The following KATNA1 variants were observed in gnomAD, a reference collection of about 807,000 sequenced individuals.
KATNA1 encodes katanin p60 ATPase-containing subunit A1.
In KATNA1, 42 loss-of-function variants were observed where a neutral mutation model predicts 62.6. The observed-to-expected ratio is 0.67, with a 90% confidence interval of 0.52 to 0.87. KATNA1 has a LOEUF of 0.87. Among genes scored for constraint, KATNA1 ranks in the 40% least tolerant of loss-of-function variants. The pLI, the probability that KATNA1 is intolerant of heterozygous loss-of-function variation, is 0.00. For missense variants in KATNA1, 498 were observed against 612.5 expected (o/e 0.81, Z 1.97); for synonymous variants, 186 against 201.9 (o/e 0.92, Z 0.67).
chr6:149,599,611 C>T (rs1262210759), intron 7 of KATNA1, among the ~76,000 whole-genome samples: 3 of 151,740 alleles, frequency 2.0e-5, no homozygotes, highest in Admixed American at 6.6e-5. Flanking sequence ...TCTGCCACCC[C>T]GGTTCAAGCA....
In KATNA1 at chr6:149,620,237, C is replaced by T. The variant is rs549458450; in HGVS notation, c.501+2866G>A. ...ACATTGGTTAACAAATACAAAAGTA[C>T]AGCCAGATAGGTGGAATGAATTCTA... On this transcript the variant is annotated intron_variant, in intron 4 of 10. Transcript: ENST00000367411. 2.6e-5 allele frequency among the ~76,000 whole-genome samples: 4 copies of T among 152,260 alleles called. No individual in the cohort carries two copies. The South Asian group carries it at 8.3e-4, about 32-fold the overall frequency.
At chr6:149,636,960 T>G (rs1402974614) in intron 2 of KATNA1, among the ~76,000 whole-genome samples, 1 of 151,320 alleles carries the variant, frequency 6.6e-6, no homozygotes, top group Non-Finnish European at 1.5e-5. Flanking sequence ...TTTCTTAACC[T>G]TTTTTTCCTC....
chr6:149,618,797 C>A (rs948675868), intron 4 of KATNA1, among the ~76,000 whole-genome samples: 1 of 152,128 alleles, frequency 6.6e-6, no homozygotes, highest in Non-Finnish European at 1.5e-5. Flanking sequence ...AGGAGCTAGA[C>A]CCCCTAACTC....
Position 149,604,194 on chromosome 6 carries a change from A to G in KATNA1, c.623+467T>C, listed in dbSNP as rs763851985. On this transcript the variant is annotated intron_variant, in intron 5 of 10. Coordinates refer to ENST00000367411, the MANE Select transcript of KATNA1 (RefSeq NM_007044.4). The stretch of plus-strand genomic sequence containing the variant: ...ATACATACAAATCATTGCCTTGGCC[A>G]GGTGCAAAGGCTCATGACTGTAATC... 5.9e-5 allele frequency among the ~76,000 whole-genome samples: 9 copies of G among 152,180 alleles called. No individual in the cohort carries two copies. In the South Asian group the frequency reaches 1.9e-3, roughly 31 times the overall value.
At chr6:149,608,148 A>G (rs1377252072) in intron 4 of KATNA1, among the ~76,000 whole-genome samples, 1 of 152,252 alleles carries the variant, frequency 6.6e-6, no homozygotes, top group East Asian at 1.9e-4. Context: ...AAAAGAGTTA[A>G]TTAAAAATGA....
chr6:149,644,322 T>TAA (rs199995379), intron 1 of KATNA1, among the ~76,000 whole-genome samples: 2 of 151,640 alleles, frequency 1.3e-5, no homozygotes, highest in African/African-American at 4.8e-5. Flanking sequence ...ATTTTCCCAC[T>TAA]AAAAAAAATC....
At chr6:149,642,937 C>T (rs956827866) in intron 1 of KATNA1, among the ~76,000 whole-genome samples, 1 of 152,184 alleles carries the variant, frequency 6.6e-6, no homozygotes, top group Non-Finnish European at 1.5e-5. Context: ...ACTCAATGAC[C>T]TTTGCCTCTT....
chr6:149,626,721 C>T (rs565077068), intron 3 of KATNA1, among the ~76,000 whole-genome samples: 3 of 151,666 alleles, frequency 2.0e-5, no homozygotes, highest in South Asian at 4.2e-4. Flanking sequence ...CAGTGGCTCA[C>T]GCCTGTAATC....
rs1778623837 is a variant in KATNA1 at position 149,603,410 on chromosome 6, T to C, written c.624-37A>G. ...GACATTTTATTAACAACCCTTTAGA[T>C]GATACATGTCTATGCAGTCACTCTT... On this transcript the variant is annotated intron_variant, in intron 5 of 10. Coordinates refer to ENST00000367411, the MANE Select transcript of KATNA1 (RefSeq NM_007044.4). 4.1e-6 allele frequency: 4 copies of C among 981,016 alleles called. No individual in the cohort carries two copies. In the South Asian group the frequency reaches 4.1e-5, roughly 10 times the overall value. 60.8% of individuals were successfully genotyped at this position (981,016 alleles called of 1,614,324 possible). A position where few individuals can be genotyped will look rare whatever the true frequency, so the allele number is the denominator to read the frequency against.
chr6:149,626,987 A>T (rs1333039166), intron 3 of KATNA1, among the ~76,000 whole-genome samples: 2 of 151,840 alleles, frequency 1.3e-5, no homozygotes, highest in Non-Finnish European at 2.9e-5. Flanking sequence ...CCATCTTAAA[A>T]AATAATAATA....
chr6:149,620,092 A>G (rs892889678), intron 4 of KATNA1, among the ~76,000 whole-genome samples: 8 of 152,230 alleles, frequency 5.3e-5, no homozygotes, highest in African/African-American at 1.7e-4. Context: ...GCAGGCACAG[A>G]AAGATAAATA....
chr6:149,638,627 T>TA, intron 1 of KATNA1, 67 bp from the exon 2 acceptor site: 1 of 1,101,028 alleles, frequency 9.1e-7, no homozygotes. Context: ...GTATAGTTAT[T>TA]AAAAAATACT....
At chr6:149,638,727 A>ACG (rs1780163253) in intron 1 of KATNA1, 167 bp from the exon 2 acceptor site, 1 of 240,742 alleles carries the variant, frequency 4.2e-6, no homozygotes, top group Non-Finnish European at 7.5e-6. Flanking sequence ...TAAAAAAAAC[A>ACG]TTGTTTTTTT....
Position 149,595,056 on chromosome 6 carries a change from A to G in KATNA1, c.1456T>C (p.Phe486Leu), listed in dbSNP as rs1423028217. The change falls in exon 11 of 11, where the codon TTT (phenylalanine) becomes CTT (leucine). Residue 486 changes from phenylalanine (F) to leucine (L), a missense_variant. This residue lies in a region of KATNA1 where 267 missense variants were observed against 372.6 expected (regional missense o/e 0.72). Transcript: ENST00000367411. ...ADIERYEKWI[F>L]EFGSC ...AGAATTTAGCATGATCCAAACTCAA[A>G]TATCCATTTCTCGTATCTTTCAATG... is the stretch of plus-strand genomic sequence containing the variant. 3 of 1,613,900 alleles carry G rather than the reference A, an allele frequency of 1.9e-6. No individual in the cohort carries two copies. The highest frequency in any genetic ancestry group is 1.7e-6 in the Non-Finnish European group (2 of 1,179,856).
At chr6:149,597,749 GCA>G in intron 8 of KATNA1, 108 bp from the exon 9 acceptor site, 1 of 1,066,968 alleles carries the variant, frequency 9.4e-7, no homozygotes, top group Non-Finnish European at 1.4e-6. Flanking sequence ...ATACAAGGAA[GCA>G]CAGTCTTAAT....
At chr6:149,625,963 G>A (rs1352232704) in intron 3 of KATNA1, among the ~76,000 whole-genome samples, 1 of 151,668 alleles carries the variant, frequency 6.6e-6, no homozygotes, top group Non-Finnish European at 1.5e-5. Flanking sequence ...TCCCAGATGT[G>A]GAAAGTTGAG....
chr6:149,620,044 T>C (rs1779332278), intron 4 of KATNA1, among the ~76,000 whole-genome samples: 1 of 152,136 alleles, frequency 6.6e-6, no homozygotes, highest in Non-Finnish European at 1.5e-5. Flanking sequence ...CATGGCAACA[T>C]GGATGAGTTT....
chr6:149,607,588 G>A (rs1383893410), intron 4 of KATNA1, among the ~76,000 whole-genome samples: 1 of 152,166 alleles, frequency 6.6e-6, no homozygotes, highest in Middle Eastern at 3.4e-3. Context: ...GTCCAGCCTG[G>A]GCAACAGAAC....
At chr6:149,635,704 G>A (rs987041443) in intron 2 of KATNA1, among the ~76,000 whole-genome samples, 7 of 147,734 alleles carry the variant, frequency 4.7e-5, no homozygotes, top group South Asian at 2.2e-4. Flanking sequence ...GTGAGACTCC[G>A]TCTCAAAACA....
Sources: gnomAD v4.1 joint callset for allele counts (sites outside exome capture counted in the v4.1 genomes callset) on GRCh38, gnomAD v4.1.1 for gene constraint, gnomAD v4.1.1 regional missense constraint, MANE v1.5 for transcripts, NCBI Gene and HGNC (gene_info 2026-07-23, HGNC 2026-07-21) for gene names.